Variants in CADPS2 observed in about 807,000 individuals in gnomAD.
CADPS2 encodes the protein calcium-dependent secretion activator 2.
In CADPS2, 93 loss-of-function variants were observed where a neutral mutation model predicts 172.5. The observed-to-expected ratio is 0.54, with a 90% CI of 0.46 to 0.64. The LOEUF (loss-of-function observed/expected upper bound fraction) is 0.64, where lower values mean the gene tolerates loss of function less well. Among genes scored for constraint, CADPS2 ranks in the 30% least tolerant of loss-of-function variants. The probability of loss-of-function intolerance (pLI) is 0.00; values close to 1 mark genes in which losing one functional copy is unlikely to be tolerated. For synonymous variants in CADPS2, 546 were observed against 555.2 expected, an observed-to-expected ratio of 0.98 and a Z score of 0.23; for missense variants, 1,420 against 1,565.9, an observed-to-expected ratio of 0.91 and a Z score of 1.57.
At chr7:122,872,594 A>T (rs191434708) in intron 1 of CADPS2, among the ~76,000 whole-genome samples, 9 of 151,794 alleles carry the variant, frequency 5.9e-5, no homozygotes, top group African/African-American at 1.7e-4. Context: ...ATATTTCAGA[A>T]TTTTTTCTTA....
At chr7:122,402,348 G>C (rs1382749834) in intron 20 of CADPS2, among the ~76,000 whole-genome samples, 1 of 152,122 alleles carries the variant, frequency 6.6e-6, no homozygotes, top group Non-Finnish European at 1.5e-5. Flanking sequence ...GACTGAACTG[G>C]AGACCCAGTA....
At chr7:122,571,017 A>G (rs2067186866) in intron 7 of CADPS2, among the ~76,000 whole-genome samples, 1 of 152,132 alleles carries the variant, frequency 6.6e-6, no homozygotes, top group Non-Finnish European at 1.5e-5. Context: ...TATGTACCCT[A>G]AAACTTAAAG....
intron 14 of CADPS2, among the ~76,000 whole-genome samples, chr7:122,464,982 C>A (rs2076728155): frequency 6.6e-6 from 1 of 152,128 alleles, no homozygotes; most frequent in South Asian, 2.1e-4. Context: ...ACTCTATGCA[C>A]TCTTTTAGTA....
intron 7 of CADPS2, among the ~76,000 whole-genome samples, chr7:122,573,616 T>A (rs887467708): frequency 2.0e-5 from 3 of 152,108 alleles, no homozygotes; most frequent in East Asian, 3.9e-4. Flanking sequence ...TAGCAACATT[T>A]CTAAAATTAA....
chr7:122,521,730 C>T (rs1335026607), intron 8 of CADPS2, among the ~76,000 whole-genome samples: 3 of 152,022 alleles, frequency 2.0e-5, no homozygotes, highest in African/African-American at 7.2e-5. Flanking sequence ...TGAGCAAGAA[C>T]TTAAAATTTA....
intron 7 of CADPS2, among the ~76,000 whole-genome samples, chr7:122,580,373 C>T (rs77697497): frequency 3.4e-5 from 5 of 149,098 alleles, no homozygotes; most frequent in African/African-American, 1.2e-4. Context: ...AAGAATCGCT[C>T]GAATCTAGGA....
At chr7:122,519,308 T>C (rs2060608585) in intron 8 of CADPS2, among the ~76,000 whole-genome samples, 1 of 152,238 alleles carries the variant, frequency 6.6e-6, no homozygotes, top group South Asian at 2.1e-4. Flanking sequence ...GCCCAGATAC[T>C]ATTTAAAGTA....
chr7:122,528,692 A>G (rs1426087365), intron 8 of CADPS2, among the ~76,000 whole-genome samples: 2 of 152,154 alleles, frequency 1.3e-5, no homozygotes, highest in Admixed American at 1.3e-4. Context: ...GCTTCTGCTT[A>G]TGAATGTAGG....
At chr7:122,348,744 G>A (rs1478499945) in intron 27 of CADPS2, among the ~76,000 whole-genome samples, 1 of 152,128 alleles carries the variant, frequency 6.6e-6, no homozygotes, top group Non-Finnish European at 1.5e-5. Flanking sequence ...ATATACACAA[G>A]TAAGAGTAAC....
intron 17 of CADPS2, among the ~76,000 whole-genome samples, chr7:122,428,969 G>A (rs1184431126): frequency 6.6e-6 from 1 of 152,038 alleles, no homozygotes; most frequent in African/African-American, 2.4e-5. Flanking sequence ...TTCAGAGTTG[G>A]CTATTTGGCA....
chr7:122,591,461 T>C (rs1395353063), intron 6 of CADPS2, among the ~76,000 whole-genome samples: 1 of 152,124 alleles, frequency 6.6e-6, no homozygotes, highest in South Asian at 2.1e-4. Context: ...ACCAATGACT[T>C]TCTTCACAGA....
chr7:122,389,555 A>C (rs1164403055), intron 22 of CADPS2, among the ~76,000 whole-genome samples: 1 of 152,068 alleles, frequency 6.6e-6, no homozygotes, highest in Non-Finnish European at 1.5e-5. Flanking sequence ...AACTTATAGA[A>C]GAGTACATAT....
At chr7:122,746,847 G>T (rs528201686) in intron 1 of CADPS2, among the ~76,000 whole-genome samples, 1 of 152,170 alleles carries the variant, frequency 6.6e-6, no homozygotes, top group South Asian at 2.1e-4. Flanking sequence ...TAAGTGCTGA[G>T]GAGTTATTTA....
At chr7:122,457,641 T>C (rs918244835) in intron 14 of CADPS2, among the ~76,000 whole-genome samples, 2 of 152,210 alleles carry the variant, frequency 1.3e-5, no homozygotes, top group African/African-American at 4.8e-5. Context: ...CAGAATTATT[T>C]AGTCACATCT....
intron 24 of CADPS2, among the ~76,000 whole-genome samples, chr7:122,380,990 G>A (rs1041422231): frequency 6.6e-6 from 1 of 152,102 alleles, no homozygotes; most frequent in Non-Finnish European, 1.5e-5. Flanking sequence ...GAAAAAGCTG[G>A]CTGGCAGTTA....
chr7:122,410,837 T>C (rs2402610), intron 19 of CADPS2, among the ~76,000 whole-genome samples: 43,033 of 152,200 alleles, frequency 0.28, 6,429 homozygotes, highest in East Asian at 0.39. Flanking sequence ...ATGGTGTTTA[T>C]GTGCCAAGTA....
At chr7:122,356,181 T>C (rs1056253413) in intron 27 of CADPS2, among the ~76,000 whole-genome samples, 20 of 152,190 alleles carry the variant, frequency 1.3e-4, no homozygotes, top group Admixed American at 7.9e-4. Flanking sequence ...ATTTAGTAAT[T>C]TGGTCTCCTT....
intron 3 of CADPS2, among the ~76,000 whole-genome samples, chr7:122,642,279 C>A (rs58389347): frequency 0.043 from 5,391 of 124,724 alleles, 307 homozygotes; most frequent in African/African-American, 0.14. Flanking sequence ...GACTCCATCT[C>A]AAAAAAAAAA....
chr7:122,621,814 T>C, intron 4 of CADPS2, 97 bp from the exon 5 acceptor site: 1 of 712,860 alleles, frequency 1.4e-6, no homozygotes, highest in Non-Finnish European at 2.3e-6. Context: ...GTCTTAGAAA[T>C]TACAACACTC....
Sources: gnomAD v4.1 joint callset for allele counts (sites outside exome capture counted in the v4.1 genomes callset) on GRCh38, gnomAD v4.1.1 for gene constraint, MANE v1.5 for transcripts, NCBI Gene and HGNC (gene_info 2026-07-23, HGNC 2026-07-21) for gene names.